The following SYDE2 variants were observed in gnomAD, a reference collection of about 807,000 sequenced individuals.
SYDE2 encodes synapse defective Rho GTPase homolog 2.
Under a neutral mutation model 91.5 loss-of-function variants are expected in SYDE2, and 76 were observed. That is an observed-to-expected ratio of 0.83 (90% CI 0.69 to 1.01). The LOEUF (loss-of-function observed/expected upper bound fraction) is 1.01. SYDE2 is among the 50% of genes least tolerant of loss of function. The pLI is 0.00. For missense variants in SYDE2, 1,364 were observed against 1,367.7 expected, an observed-to-expected ratio of 1.00 and a Z score of 0.04; for synonymous variants, 513 against 506.4, an observed-to-expected ratio of 1.01 and a Z score of -0.18.
chr1:85,171,850 A>G (rs1265629437), intron 4 of SYDE2, among the ~76,000 whole-genome samples: 1 of 152,194 alleles, frequency 6.6e-6, no homozygotes, highest in Non-Finnish European at 1.5e-5. Flanking sequence ...AAAGAAATAG[A>G]CAAAGAAATG....
intron 2 of SYDE2, among the ~76,000 whole-genome samples, chr1:85,184,268 G>A (rs567179581): frequency 1.3e-5 from 2 of 152,228 alleles, no homozygotes; most frequent in African/African-American, 4.8e-5. Flanking sequence ...TAGTTGCCTT[G>A]TAAACTGGCA....
chr1:85,192,429 T>C (rs186924937), intron 1 of SYDE2, among the ~76,000 whole-genome samples: 28 of 152,178 alleles, frequency 1.8e-4, no homozygotes, highest in African/African-American at 5.8e-4. Context: ...TGAATAAATA[T>C]ATTTTTCCTT....
chr1:85,193,820 G>A (rs1018004807), intron 1 of SYDE2, among the ~76,000 whole-genome samples: 3 of 151,994 alleles, frequency 2.0e-5, no homozygotes, highest in African/African-American at 4.8e-5. Context: ...TAGAGACAGG[G>A]TCTCACTATG....
chr1:85,172,299 G>A (rs1218576678), intron 4 of SYDE2, among the ~76,000 whole-genome samples: 1 of 152,138 alleles, frequency 6.6e-6, no homozygotes, highest in East Asian at 1.9e-4. Flanking sequence ...TGGGTGAAAT[G>A]AGGTTTGAGG....
Position 85,182,695 on chromosome 1 carries a change from A to G in SYDE2, c.1947T>C (p.Ile649=). 6.2e-7 allele frequency: 1 copy of G among 1,613,694 alleles called. No individual in the cohort carries two copies. Among genetic ancestry groups the G allele is most frequent in the Non-Finnish European group, 8.5e-7 (1 of 1,179,828 alleles). ...ENKFGKGKEI[I]SNSCSKNEID... ...TTTCATTCTTGCTACAACTATTTGA[A>G]ATTATTTCTTTTCCTTTTCCAAATT... The change falls in exon 3 of 7, where the codon ATT becomes ATC. Residue 649 remains isoleucine, a synonymous_variant. Transcript: ENST00000341460.
Position 85,200,480 on chromosome 1 carries a change from C to G in SYDE2, c.517G>C (p.Asp173His), listed in dbSNP as rs141587551. 6.2e-7 allele frequency: 1 copy of G among 1,613,916 alleles called. No individual in the cohort carries two copies. Residue 173 changes from aspartate to histidine, a missense_variant, in exon 1 of 7, where the codon GAC (aspartate) becomes CAC (histidine). Physicochemically the swap from Asp to His is moderately conservative, Grantham distance 81 (BLOSUM62 -1). Transcript: ENST00000341460. ...GSSVIRSGKG[D>H]RQEGPSFLRP... The stretch of plus-strand genomic sequence containing the variant: ...AGGAAGGAGGGGCCTTCCTGGCGGT[C>G]TCCTTTGCCACTGCGTATCACAGAG...
In SYDE2 at chr1:85,200,508, C is replaced by A. The variant is rs1222121922; in HGVS notation, c.489G>T (p.Gly163=). ...SSGSPFRDPA[G]SSVIRSGKGD... is the part of the protein sequence containing the mutation. The stretch of plus-strand genomic sequence containing the variant: ...CTTTGCCACTGCGTATCACAGAGGA[C>A]CCCGCTGGATCCCTGAAAGGGCTTC... Residue 163 remains glycine (G), a synonymous_variant, in exon 1 of 7, where the codon GGG becomes GGT. Transcript: ENST00000341460. 1 of 1,613,638 alleles carries A rather than the reference C, an allele frequency of 6.2e-7. No individual in the cohort carries two copies. The highest frequency in any genetic ancestry group is 8.5e-7 in the Non-Finnish European group (1 of 1,179,884).
intron 1 of SYDE2, among the ~76,000 whole-genome samples, chr1:85,198,455 G>C (rs1570283288): frequency 6.6e-6 from 1 of 152,182 alleles, no homozygotes; most frequent in East Asian, 1.9e-4. Context: ...CCTGAAAAAT[G>C]AATTAGTGGT....
intron 4 of SYDE2, among the ~76,000 whole-genome samples, chr1:85,176,378 A>G (rs138863826): frequency 6.6e-6 from 1 of 152,278 alleles, no homozygotes; most frequent in East Asian, 1.9e-4. Flanking sequence ...ATCTTACTAA[A>G]ATGCTTGGAA....
At chr1:85,164,325 A>G (rs1035641700) in intron 6 of SYDE2, among the ~76,000 whole-genome samples, 1 of 152,224 alleles carries the variant, frequency 6.6e-6, no homozygotes, top group Non-Finnish European at 1.5e-5. Flanking sequence ...TGTGCACATT[A>G]ATCTACATGC....
chr1:85,194,370 AT>A (rs1472394529), intron 1 of SYDE2, among the ~76,000 whole-genome samples: 1 of 149,220 alleles, frequency 6.7e-6, no homozygotes, highest in Non-Finnish European at 1.5e-5. Context: ...ATTGTTGCCT[AT>A]ATATTGCCTA....
At chr1:85,197,231 T>C (rs6664273) in intron 1 of SYDE2, among the ~76,000 whole-genome samples, 1,936 of 152,286 alleles carry the variant, frequency 0.013, 41 homozygotes, top group African/African-American at 0.044. Flanking sequence ...GAACACTACA[T>C]ACTTAACTGC....
At chr1:85,181,036 A>T (rs985005602) in intron 3 of SYDE2, 9 of 151,388 alleles carry the variant, frequency 5.9e-5, no homozygotes, top group African/African-American at 2.2e-4. Flanking sequence ...AGACAGAATG[A>T]TGTATCTGAG....
At chr1:85,180,566 A>G (rs1335886328) in intron 3 of SYDE2, among the ~76,000 whole-genome samples, 1 of 151,764 alleles carries the variant, frequency 6.6e-6, no homozygotes, top group Non-Finnish European at 1.5e-5. Flanking sequence ...GATGGCGTGC[A>G]CCTGTAATCC....
At chr1:85,164,470 G>A (rs1445052867) in intron 6 of SYDE2, 56 bp downstream of exon 6, 18 of 1,220,918 alleles carry the variant, frequency 1.5e-5, no homozygotes, top group Non-Finnish European at 1.8e-5. Flanking sequence ...TTAATGATTA[G>A]TTAATTCAAA....
At chr1:85,167,718 T>A (rs1456735757) in intron 5 of SYDE2, among the ~76,000 whole-genome samples, 1 of 152,242 alleles carries the variant, frequency 6.6e-6, no homozygotes, top group African/African-American at 2.4e-5. Flanking sequence ...TCAGAAAGAC[T>A]TATAGTGTGA....
Position 85,187,929 on chromosome 1 carries a change from T to C in SYDE2, c.1441+2128A>G, listed in dbSNP as rs1193814374. ...TAGCTAATGCTAAATGATGAGTGAA[T>C]GGGTGCAGCACATCAGCATGGCACA... On this transcript the variant is annotated intron_variant, in intron 2 of 6. Transcript: ENST00000341460. Among the ~76,000 whole-genome samples, 4 of 151,296 alleles carry C rather than the reference T, an allele frequency of 2.6e-5. No homozygotes were observed. In the East Asian group the frequency reaches 5.8e-4, roughly 22 times the overall value.
intron 2 of SYDE2, among the ~76,000 whole-genome samples, chr1:85,184,649 C>A (rs752224875): frequency 6.6e-6 from 1 of 151,854 alleles, no homozygotes; most frequent in Non-Finnish European, 1.5e-5. Context: ...GAGGCTGAGG[C>A]AGATAGGAGT....
In SYDE2 at chr1:85,183,170, G is replaced by A. The variant is rs1165159866; in HGVS notation, c.1472C>T (p.Thr491Ile). Residue 491 changes from threonine (T) to isoleucine (I), a missense_variant, in exon 3 of 7, where the codon ACT becomes ATT. Transcript: ENST00000341460. ...AGATGGTTCCATAATTCCCAATTCAGTACTATTTGTAGCAGCCAGGATCCC... is the reference window on the plus strand; with the variant it reads ...AGATGGTTCCATAATTCCCAATTCAATACTATTTGTAGCAGCCAGGATCCC... The part of the protein sequence containing the change: ...GSGILAATNS[T>I]ELGIMEPSSP... The A allele has an allele frequency of 6.3e-7, 1 of 1,583,698 alleles. No individual in the cohort carries two copies. Among genetic ancestry groups the A allele is most frequent in the Non-Finnish European group, 8.6e-7 (1 of 1,169,500 alleles).
Sources: gnomAD v4.1 joint callset for allele counts (sites outside exome capture counted in the v4.1 genomes callset) on GRCh38, gnomAD v4.1.1 for gene constraint, MANE v1.5 for transcripts, NCBI Gene and HGNC (gene_info 2026-07-23, HGNC 2026-07-21) for gene names.